The following BNC2 variants were observed in gnomAD, a reference collection of about 807,000 sequenced individuals.
BNC2 encodes zinc finger protein basonuclin-2.
BNC2 carries 20 observed loss-of-function variants against 76.3 expected under a neutral mutation model. The observed-to-expected ratio is 0.26, with a 90% CI of 0.18 to 0.38. BNC2 has a LOEUF of 0.38. Ranked by LOEUF, BNC2 falls within the 10% of genes least tolerant of loss-of-function variation. The pLI is 1.00. For missense variants in BNC2, 1,382 were observed against 1,399.8 expected, an observed-to-expected ratio of 0.99 and a Z score of 0.20; for synonymous variants, 582 against 514.8, an observed-to-expected ratio of 1.13 and a Z score of -1.77.
chr9:16,459,365 G>C (rs73645982), intron 5 of BNC2, among the ~76,000 whole-genome samples: 2,526 of 152,220 alleles, frequency 0.017, 61 homozygotes, highest in African/African-American at 0.058. Flanking sequence ...TGTAAGTAAT[G>C]CTCTTAGGGT....
chr9:16,694,833 T>C (rs1823288402), intron 3 of BNC2, among the ~76,000 whole-genome samples: 1 of 151,656 alleles, frequency 6.6e-6, no homozygotes. Context: ...AAGAGAAAAA[T>C]GTGCAAACGC....
intron 3 of BNC2, among the ~76,000 whole-genome samples, chr9:16,628,811 A>G (rs566818193): frequency 1.6e-4 from 24 of 152,346 alleles, no homozygotes; most frequent in African/African-American, 5.8e-4. Flanking sequence ...CTGTGAAACA[A>G]CATTCAACTG....
At chr9:16,649,436 G>A (rs1247134056) in intron 3 of BNC2, among the ~76,000 whole-genome samples, 2 of 152,130 alleles carry the variant, frequency 1.3e-5, no homozygotes, top group African/African-American at 2.4e-5. Flanking sequence ...CTTTCCATAA[G>A]CCTAATGCTT....
chr9:16,598,789 G>A lies in BNC2; in HGVS notation c.331-15704C>T, dbSNP rs144469507. On this transcript the variant is annotated intron_variant, in intron 3 of 6. Coordinates refer to ENST00000380672, the MANE Select transcript of BNC2 (RefSeq NM_017637.6). The stretch of plus-strand genomic sequence containing the variant: ...ACAGACTCATCACAGCTTAAGAGGC[G>A]GGCACTGGCTCACAGGCAGTGTATA... Among the ~76,000 whole-genome samples, 482 of 152,194 alleles carry A rather than the reference G, an allele frequency of 3.2e-3. 4 individuals carry two copies. Among genetic ancestry groups the A allele is most frequent in the African/African-American group, 0.011 (459 of 41,530 alleles).
intron 5 of BNC2, among the ~76,000 whole-genome samples, chr9:16,549,279 A>G (rs1818585294): frequency 6.6e-6 from 1 of 152,216 alleles, no homozygotes; most frequent in Admixed American, 6.5e-5. Context: ...AACTTACCGT[A>G]CATCTTCATT....
chr9:16,533,177 G>A (rs1818032396), intron 5 of BNC2, among the ~76,000 whole-genome samples: 1 of 152,092 alleles, frequency 6.6e-6, no homozygotes, highest in African/African-American at 2.4e-5. Flanking sequence ...ATGAAGTCTT[G>A]TAAAACATAA....
At chr9:16,863,265 G>A (rs1284994242) in intron 1 of BNC2, among the ~76,000 whole-genome samples, 1 of 152,194 alleles carries the variant, frequency 6.6e-6, no homozygotes, top group Non-Finnish European at 1.5e-5. Context: ...AAAGGCTGGG[G>A]CATAGCCCTA....
intron 3 of BNC2, among the ~76,000 whole-genome samples, chr9:16,679,139 C>T (rs1231227544): frequency 1.3e-5 from 2 of 152,046 alleles, no homozygotes; most frequent in African/African-American, 4.8e-5. Context: ...CTACACTGTG[C>T]CTCAATTCAG....
chr9:16,660,708 C>T lies in BNC2; in HGVS notation c.330+67089G>A, dbSNP rs529483686. Among the ~76,000 whole-genome samples, 4 of 152,016 alleles carry T rather than the reference C, an allele frequency of 2.6e-5. No individual in the cohort carries two copies. The East Asian group carries it at 7.7e-4, about 29-fold the overall frequency. On this transcript the variant is annotated intron_variant, in intron 3 of 6. Transcript: ENST00000380672. ...AGGCCCTCTGTATCTGTGGGTTCTG[C>T]ATCCATGAATTCAACCAACTGCAGA... is the stretch of plus-strand genomic sequence containing the variant.
chr9:16,445,258 G>A (rs1035194027), intron 5 of BNC2, among the ~76,000 whole-genome samples: 3 of 152,150 alleles, frequency 2.0e-5, no homozygotes, highest in East Asian at 1.9e-4. Context: ...GGGCACTGAC[G>A]GAGGAAGATG....
In BNC2 at chr9:16,543,828, A is replaced by C. The variant is rs550895892; in HGVS notation, c.669+8702T>G. Among the ~76,000 whole-genome samples the C allele has an allele frequency of 2.2e-4, 34 of 152,268 alleles. 1 individual carries two copies. Among genetic ancestry groups the C allele is most frequent in the Admixed American group, 1.6e-3 (24 of 15,292 alleles). ...ACCAAGGATAATAGTCTCTGAAACTATCTCTCTAATAGGGAGGTTAGGAGG... is the reference window on the plus strand; with the variant it reads ...ACCAAGGATAATAGTCTCTGAAACTCTCTCTCTAATAGGGAGGTTAGGAGG... On this transcript the variant is annotated intron_variant, in intron 5 of 6. Transcript: ENST00000380672.
chr9:16,497,037 G>C (rs980623764), intron 5 of BNC2, among the ~76,000 whole-genome samples: 2 of 152,220 alleles, frequency 1.3e-5, no homozygotes, highest in African/African-American at 2.4e-5. Context: ...ACACACATTA[G>C]GTTGTGATCC....
At chr9:16,691,998 A>T (rs1460416005) in intron 3 of BNC2, among the ~76,000 whole-genome samples, 14 of 151,496 alleles carry the variant, frequency 9.2e-5, no homozygotes, top group Admixed American at 9.2e-4. Context: ...TTTAGTAGAG[A>T]TGGGGTTTCT....
intron 1 of BNC2, among the ~76,000 whole-genome samples, chr9:16,866,626 C>A: frequency 7.1e-6 from 1 of 141,562 alleles, no homozygotes; most frequent in East Asian, 2.2e-4. Context: ...GACGCCTTGA[C>A]TGTTCTTGTA....
At chr9:16,631,173 G>GT in intron 3 of BNC2, among the ~76,000 whole-genome samples, 1 of 152,148 alleles carries the variant, frequency 6.6e-6, no homozygotes, top group African/African-American at 2.4e-5. Context: ...CCGATACCCA[G>GT]TTTCCCAAGA....
intron 1 of BNC2, among the ~76,000 whole-genome samples, chr9:16,855,307 T>G (rs942137530): frequency 6.6e-6 from 1 of 152,188 alleles, no homozygotes; most frequent in Admixed American, 6.5e-5. Context: ...GAATATCCCT[T>G]TACCAGTGAA....
rs1485228749 is a variant in BNC2, at chr9:16,411,476, T to A, written c.*7513A>T. 1.3e-5 allele frequency: 2 copies of A among 152,542 alleles called. No homozygotes were observed. Among genetic ancestry groups the A allele is most frequent in the African/African-American group, 4.8e-5 (2 of 41,404 alleles). 9.4% of individuals were successfully genotyped at this position (152,542 alleles called of 1,614,324 possible). On this transcript the variant is annotated 3_prime_UTR_variant, in exon 7 of 7. Transcript: ENST00000380672. ...CTTAAGCATCCCTGGTATTTTAGAG[T>A]TAAGGGGAGAAAGCTAGTATCAGCG...
At chr9:16,570,637 G>A (rs1169497171) in intron 4 of BNC2, among the ~76,000 whole-genome samples, 1 of 152,174 alleles carries the variant, frequency 6.6e-6, no homozygotes, top group East Asian at 1.9e-4. Flanking sequence ...AAATGCACAA[G>A]TAGAAAATGT....
chr9:16,424,080 T>C (rs1269003584), intron 6 of BNC2, among the ~76,000 whole-genome samples: 1 of 152,120 alleles, frequency 6.6e-6, no homozygotes, highest in East Asian at 1.9e-4. Context: ...CCATCAAACG[T>C]AGTCAAGTAA....
Sources: allele counts gnomAD v4.1 joint callset (sites outside exome capture counted in the v4.1 genomes callset), GRCh38; gene constraint gnomAD v4.1.1; transcripts MANE v1.5; gene names NCBI Gene and HGNC (gene_info 2026-07-23, HGNC 2026-07-21).